The following PTPRE variants were observed in gnomAD, a reference collection of about 807,000 sequenced individuals.
PTPRE encodes protein tyrosine phosphatase receptor type E.
Under a neutral mutation model 102.0 loss-of-function variants are expected in PTPRE, and 51 were observed. That is an observed-to-expected ratio of 0.50 (90% CI 0.40 to 0.63). The LOEUF is 0.63. Among genes scored for constraint, PTPRE ranks in the 30% least tolerant of loss-of-function variants. The probability of loss-of-function intolerance (pLI) is 0.00; values close to 1 mark genes in which losing one functional copy is unlikely to be tolerated. For missense variants in PTPRE, 752 were observed against 915.1 expected, an observed-to-expected ratio of 0.82 and a Z score of 2.30; for synonymous variants, 345 against 348.2, an observed-to-expected ratio of 0.99 and a Z score of 0.10.
chr10:127,987,534 C>G (rs1049652900), intron 2 of PTPRE: 21 of 334,408 alleles, frequency 6.3e-5, no homozygotes, highest in Non-Finnish European at 1.2e-4. Flanking sequence ...ATTTGGCAAG[C>G]CTCTTAGTTA....
At position 128,063,151 on chromosome 10, in the gene PTPRE, ATGT is replaced by A; in HGVS notation, c.696_698del (p.Met232_Leu233delinsIle). 1 of 1,614,236 alleles carries A rather than the reference ATGT, an allele frequency of 6.2e-7. No homozygotes were observed. The highest frequency in any genetic ancestry group is 8.5e-7 in the Non-Finnish European group (1 of 1,180,042). The stretch of plus-strand genomic sequence containing the variant: ...GGAGCAAAAGTCTGCGACCATCGTC[ATGT>A]TAACAAACTTGAAAGAAAGGAAAGA... On this transcript the variant is annotated inframe_deletion, in exon 10 of 21. Coordinates refer to ENST00000254667, the MANE Select transcript of PTPRE (RefSeq NM_006504.6).
chr10:127,916,098 A>G (rs1439053821), intron 1 of PTPRE, among the ~76,000 whole-genome samples: 1 of 151,968 alleles, frequency 6.6e-6, no homozygotes, highest in Non-Finnish European at 1.5e-5. Context: ...GTGATGCTGG[A>G]TGCTCCTGTG....
At chr10:128,077,501 A>C in intron 18 of PTPRE, 116 bp from the exon 19 acceptor site, 2 of 1,313,622 alleles carry the variant, frequency 1.5e-6, no homozygotes, top group Non-Finnish European at 2.0e-6. Context: ...GGATGTTGGC[A>C]GCACAGAAGG....
At chr10:127,974,844 G>C (rs1027052361) in intron 1 of PTPRE, among the ~76,000 whole-genome samples, 2 of 152,142 alleles carry the variant, frequency 1.3e-5, no homozygotes, top group African/African-American at 4.8e-5. Context: ...TCTTTGGGGA[G>C]GGTCTGCACC....
intron 1 of PTPRE, among the ~76,000 whole-genome samples, chr10:127,977,107 T>C (rs12254339): frequency 0.12 from 17,959 of 152,140 alleles, 2,147 homozygotes; most frequent in African/African-American, 0.3. Context: ...GTTACTGTGA[T>C]TGAGGGTGAA....
intron 2 of PTPRE, 104 bp downstream of exon 2, chr10:127,982,400 A>C (rs1851705928): frequency 2.5e-6 from 2 of 802,802 alleles, no homozygotes; most frequent in Admixed American, 6.8e-5. Flanking sequence ...CTTGAGAAAG[A>C]AAGCCATATG....
rs776320355 is a variant in PTPRE at position 128,077,695 on chromosome 10, G to A, written c.1804G>A (p.Ala602Thr). ...FHGWPEIGIP[A>T]EGKGMIDLIA... ...CGGCTGGCCTGAGATCGGGATTCCC[G>A]CCGAGGGCAAAGGCATGATTGACCT... is the stretch of plus-strand genomic sequence containing the variant. Residue 602 changes from alanine (A) to threonine (T), a missense_variant, in exon 19 of 21, where the codon GCC becomes ACC. Ala to Thr is a moderately conservative substitution (Grantham distance 58). Transcript: ENST00000254667. 48 of 1,613,750 alleles carry A rather than the reference G, an allele frequency of 3.0e-5. No individual in the cohort carries two copies. The highest frequency in any genetic ancestry group is 1.3e-4 in the East Asian group (6 of 44,882).
chr10:128,080,711 C>A (rs1254991835), intron 20 of PTPRE, among the ~76,000 whole-genome samples: 1 of 152,192 alleles, frequency 6.6e-6, no homozygotes, highest in South Asian at 2.1e-4. Flanking sequence ...TGAGAAGCTG[C>A]CCTCAGATGT....
intron 2 of PTPRE, among the ~76,000 whole-genome samples, chr10:128,035,692 G>A (rs529445720): frequency 2.0e-5 from 3 of 152,222 alleles, no homozygotes; most frequent in African/African-American, 7.2e-5. Flanking sequence ...GCTGCAGGGG[G>A]CAGTGTGGGT....
At chr10:127,994,367 T>A (rs770540120) in intron 2 of PTPRE, among the ~76,000 whole-genome samples, 7 of 152,188 alleles carry the variant, frequency 4.6e-5, no homozygotes, top group Non-Finnish European at 1.0e-4. Context: ...CCAAGTTACT[T>A]TCTGTACCCC....
chr10:128,069,899 G>T, intron 13 of PTPRE, 72 bp downstream of exon 13: 1 of 1,607,204 alleles, frequency 6.2e-7, no homozygotes, highest in Non-Finnish European at 8.5e-7. Context: ...ACACAGGTGT[G>T]CAGGGCCCTG....
chr10:127,969,908 A>G (rs1299251438), intron 1 of PTPRE, among the ~76,000 whole-genome samples: 1 of 152,100 alleles, frequency 6.6e-6, no homozygotes, highest in Non-Finnish European at 1.5e-5. Context: ...GCTGCTGGCC[A>G]TGGGGACCCT....
intron 1 of PTPRE, among the ~76,000 whole-genome samples, chr10:127,981,023 C>T (rs1048889268): frequency 5.3e-5 from 8 of 152,254 alleles, no homozygotes; most frequent in African/African-American, 1.9e-4. Context: ...GTGAGGCTGC[C>T]ATGCTGACCA....
At chr10:128,082,186 T>C (rs1851766057) in intron 20 of PTPRE, among the ~76,000 whole-genome samples, 1 of 85,658 alleles carries the variant, frequency 1.2e-5, no homozygotes, top group African/African-American at 5.9e-5. Flanking sequence ...CTCTGATTTT[T>C]TTCTCTTTCT....
At chr10:127,993,768 G>GGGGT (rs1554912234) in intron 2 of PTPRE, among the ~76,000 whole-genome samples, 5 of 150,554 alleles carry the variant, frequency 3.3e-5, no homozygotes, top group African/African-American at 1.2e-4. Flanking sequence ...CTTTCATAGT[G>GGGGT]GTGTGTGTGT....
intron 11 of PTPRE, 57 bp from the exon 12 acceptor site, chr10:128,068,066 T>TGGGGGAGCA: frequency 6.4e-7 from 1 of 1,559,428 alleles, no homozygotes; most frequent in Non-Finnish European, 8.7e-7. Context: ...AATGAGATGC[T>TGGGGGAGCA]GGGGGAGCAG....
chr10:128,039,095 TA>T (rs1298172928), intron 2 of PTPRE, among the ~76,000 whole-genome samples: 2 of 152,234 alleles, frequency 1.3e-5, no homozygotes, highest in Non-Finnish European at 2.9e-5. Context: ...GGAATTGTAT[TA>T]AACCAATTAA....
intron 1 of PTPRE, among the ~76,000 whole-genome samples, chr10:127,916,474 A>G (rs558656249): frequency 2.0e-5 from 3 of 152,014 alleles, no homozygotes; most frequent in African/African-American, 7.3e-5. Flanking sequence ...AGTCAATTAA[A>G]CCTCTTTCCT....
At chr10:128,079,284 G>A (rs191407394) in intron 19 of PTPRE, among the ~76,000 whole-genome samples, 13 of 152,246 alleles carry the variant, frequency 8.5e-5, no homozygotes, top group African/African-American at 3.1e-4. Flanking sequence ...GAGGGGAAAT[G>A]GTGATACTTG....
Sources: allele counts gnomAD v4.1 joint callset (sites outside exome capture counted in the v4.1 genomes callset), GRCh38; gene constraint gnomAD v4.1.1; transcripts MANE v1.5; gene names NCBI Gene and HGNC (gene_info 2026-07-23, HGNC 2026-07-21).